Variants in CREBBP observed in about 807,000 individuals in gnomAD.
CREBBP encodes the protein CREB-binding protein.
A neutral mutation model predicts 265.0 loss-of-function variants in CREBBP; 19 were observed. That is an observed-to-expected ratio of 0.07 (90% CI 0.05 to 0.11). The LOEUF (loss-of-function observed/expected upper bound fraction) is 0.11, where lower values mean the gene tolerates loss of function less well. CREBBP is among the 10% of genes least tolerant of loss of function. CREBBP has a pLI of 1.00. For missense variants in CREBBP, 2,525 were observed against 3,219.0 expected (o/e 0.78, Z 5.22); for synonymous variants, 1,457 against 1,223.7 (o/e 1.19, Z -3.98).
chr16:3,748,571 C>T (rs1221824651), intron 21 of CREBBP, among the ~76,000 whole-genome samples: 1 of 152,206 alleles, frequency 6.6e-6, no homozygotes, highest in Non-Finnish European at 1.5e-5. Context: ...ACTCTAGCCA[C>T]TGGCTTCCCT....
intron 1 of CREBBP, 144 bp from the exon 2 acceptor site, chr16:3,851,153 T>A (rs992163228): frequency 2.7e-6 from 2 of 736,650 alleles, no homozygotes; most frequent in South Asian, 1.6e-5. Context: ...CTGGGTGTGG[T>A]AGCGCATGCC....
chr16:3,781,676 G>T (rs748975461), intron 6 of CREBBP, among the ~76,000 whole-genome samples: 1 of 152,082 alleles, frequency 6.6e-6, no homozygotes, highest in Non-Finnish European at 1.5e-5. Context: ...ACACACCTCT[G>T]TGTCTCCACC....
chr16:3,871,597 C>A (rs1395507993), intron 1 of CREBBP, among the ~76,000 whole-genome samples: 4 of 152,160 alleles, frequency 2.6e-5, no homozygotes, highest in Non-Finnish European at 4.4e-5. Flanking sequence ...GTTGTACAAG[C>A]CTTCTCTACA....
At chr16:3,834,672 G>C (rs984007504) in intron 2 of CREBBP, among the ~76,000 whole-genome samples, 1 of 152,136 alleles carries the variant, frequency 6.6e-6, no homozygotes, top group Admixed American at 6.5e-5. Flanking sequence ...GTAAACTACA[G>C]ACTTCGGATT....
intron 27 of CREBBP, 148 bp downstream of exon 27, chr16:3,736,502 T>C: frequency 8.2e-7 from 1 of 1,216,222 alleles, no homozygotes; most frequent in Non-Finnish European, 1.2e-6. Context: ...AAAATGCTTC[T>C]AAGTTCTCAC....
chr16:3,781,450 C>T lies in CREBBP; in HGVS notation c.1574-144G>A, dbSNP rs551832735. ...TTCTGGCCAGTTATAGTAAGCACTG[C>T]GGCAGGAACTCTGAGTGTCATATTT... On this transcript the variant is annotated intron_variant, in intron 6 of 30. Transcript: ENST00000262367. 1.7e-4 allele frequency: 112 copies of T among 668,614 alleles called. 2 individuals carry two copies. Among genetic ancestry groups the T allele is most frequent in the South Asian group, 1.4e-3 (84 of 61,706 alleles). 41.4% of individuals were successfully genotyped at this position (668,614 alleles called of 1,614,324 possible).
At chr16:3,733,926 G>C (rs1263735997) in intron 28 of CREBBP, among the ~76,000 whole-genome samples, 1 of 152,206 alleles carries the variant, frequency 6.6e-6, no homozygotes, top group Non-Finnish European at 1.5e-5. Flanking sequence ...ACAGGCGTGA[G>C]CCACCACGCC....
chr16:3,744,924 G>C lies in CREBBP; in HGVS notation c.3952C>G (p.Pro1318Ala). Reference sequence around the variant, plus strand: ...GCACTGAATTTGTTTTCTTTTCGAGGTCTGCCAGTTTTCTTCAAGCAGTTG... The same window carrying C: ...GCACTGAATTTGTTTTCTTTTCGAGCTCTGCCAGTTTTCTTCAAGCAGTTG... ...CDNCLKKTGRPRKENKFSAKR... is the reference protein window; with the variant it reads ...CDNCLKKTGRARKENKFSAKR... Residue 1318 changes from proline to alanine, a missense_variant, in exon 23 of 31, where the codon CCT becomes GCT. Coordinates refer to ENST00000262367, the MANE Select transcript of CREBBP (RefSeq NM_004380.3). 6.2e-7 allele frequency: 1 copy of C among 1,614,000 alleles called. No individual in the cohort carries two copies. The highest frequency in any genetic ancestry group is 8.5e-7 in the Non-Finnish European group (1 of 1,179,924).
chr16:3,800,321 GT>G (rs2053687376), intron 3 of CREBBP, among the ~76,000 whole-genome samples: 1 of 152,144 alleles, frequency 6.6e-6, no homozygotes, highest in Non-Finnish European at 1.5e-5. Flanking sequence ...GTCTTGCCAT[GT>G]TGTTCGAGCT....
In CREBBP at chr16:3,731,770, G is replaced by A. The variant is rs1567265838; in HGVS notation, c.4890+6C>T. On this transcript the variant is annotated splice_donor_region_variant and intron_variant, in intron 29 of 30. Transcript: ENST00000262367. The surrounding 1 kb of genome is among the most constrained non-coding windows in gnomAD (Gnocchi z 7.7). ...GCACGGCTGCAGCACCGCAGCCCAC[G>A]CCTACCTCCTTGTGCTTCTCCATGG... 4.3e-6 allele frequency: 7 copies of A among 1,614,090 alleles called. No individual in the cohort carries two copies. The highest frequency in any genetic ancestry group is 3.3e-5 in the Admixed American group (2 of 60,008).
Position 3,849,432 on chromosome 16 carries a change from T to TG in CREBBP, c.798+864dup, listed in dbSNP as rs1567360255. ...GTGTGTGTGTGTGTGTGTGTGTGTGTGTGTGTGTGTGTGTGTGTGTGTGTG... is the reference window on the plus strand; with the variant it reads ...GTGTGTGTGTGTGTGTGTGTGTGTGTGGTGTGTGTGTGTGTGTGTGTGTGTG... On this transcript the variant is annotated intron_variant, in intron 2 of 30. Coordinates refer to ENST00000262367, the MANE Select transcript of CREBBP (RefSeq NM_004380.3). Among the ~76,000 whole-genome samples the TG allele has an allele frequency of 4.7e-3, 43 of 9,086 alleles. 1 individual carries two copies. Among genetic ancestry groups the TG allele is most frequent in the East Asian group, 0.042 (2 of 48 alleles). 6.0% of individuals were successfully genotyped at this position (9,086 alleles called of 152,430 possible).
intron 8 of CREBBP, 97 bp downstream of exon 8, chr16:3,780,635 T>A (rs1778458496): frequency 7.4e-7 from 1 of 1,345,014 alleles, no homozygotes; most frequent in Non-Finnish European, 1.0e-6. Context: ...AATAAGCACG[T>A]GACTTGTATA....
intron 1 of CREBBP, among the ~76,000 whole-genome samples, chr16:3,873,937 C>T (rs1394456438): frequency 6.6e-6 from 1 of 152,178 alleles, no homozygotes; most frequent in Non-Finnish European, 1.5e-5. Flanking sequence ...TTCCTGAGGG[C>T]CTACTATGTG....
chr16:3,746,959 A>T (rs937383305), intron 21 of CREBBP, among the ~76,000 whole-genome samples: 1 of 152,050 alleles, frequency 6.6e-6, no homozygotes, highest in Non-Finnish European at 1.5e-5. Context: ...ACAACAAACA[A>T]AATCCAAACA....
chr16:3,777,199 G>A (rs922797852), intron 11 of CREBBP, among the ~76,000 whole-genome samples: 1 of 151,386 alleles, frequency 6.6e-6, no homozygotes, highest in African/African-American at 2.4e-5. Context: ...GCCACGCGTG[G>A]TGGTGGGCGC....
At chr16:3,740,793 T>C (rs1204079143) in intron 23 of CREBBP, 3 of 558,578 alleles carry the variant, frequency 5.4e-6, no homozygotes, top group Non-Finnish European at 9.7e-6. Context: ...CCTGCATCTT[T>C]TTCTAACAGT....
intron 1 of CREBBP, among the ~76,000 whole-genome samples, chr16:3,852,380 G>C (rs1479786971): frequency 1.3e-5 from 2 of 151,534 alleles, no homozygotes; most frequent in African/African-American, 4.8e-5. Flanking sequence ...GTATTAGCCA[G>C]GATGGTCTCG....
At chr16:3,757,470 TTC>T (rs1483496712) in intron 18 of CREBBP, 94 bp from the exon 19 acceptor site, 16 of 1,111,508 alleles carry the variant, frequency 1.4e-5, no homozygotes, top group Middle Eastern at 2.5e-4. Context: ...AGTAAATTAT[TTC>T]TGTTAGTATA....
Position 3,860,962 on chromosome 16 carries a change from A to AC in CREBBP, c.86-9954dup, listed in dbSNP as rs199925159. Among the ~76,000 whole-genome samples, 358 of 152,000 alleles carry AC rather than the reference A, an allele frequency of 2.4e-3. 13 individuals carry two copies. The East Asian group carries it at 0.065, about 28-fold the overall frequency. ...CACCACAGCTACTGCCTCCCTGTGTACCCCTCCTTAGCTCTAAAATGGAAG... is the reference window on the plus strand; with the variant it reads ...CACCACAGCTACTGCCTCCCTGTGTACCCCCTCCTTAGCTCTAAAATGGAAG... On this transcript the variant is annotated intron_variant, in intron 1 of 30. Transcript: ENST00000262367.
Sources: allele counts gnomAD v4.1 joint callset (sites outside exome capture counted in the v4.1 genomes callset), GRCh38; gene constraint gnomAD v4.1.1; non-coding constraint Gnocchi (gnomAD v3.1); transcripts MANE v1.5; gene names NCBI Gene and HGNC (gene_info 2026-07-23, HGNC 2026-07-21).